The following LRRIQ1 variants were observed in gnomAD, a reference collection of about 807,000 sequenced individuals.
LRRIQ1 encodes leucine rich repeats and IQ motif containing 1, also known as leucine-rich repeat- and IQ domain-containing protein 1.
Under a neutral mutation model 211.9 loss-of-function variants are expected in LRRIQ1, and 210 were observed. That is an observed-to-expected ratio of 0.99 (90% CI 0.89 to 1.11). LRRIQ1 has a LOEUF of 1.11. Ranked by LOEUF, LRRIQ1 falls within the 50% of genes most tolerant of loss-of-function variation. LRRIQ1 has a pLI of 0.00. For synonymous variants in LRRIQ1, 699 were observed against 650.1 expected (o/e 1.08, Z -1.14); for missense variants, 2,136 against 1,939.5 (o/e 1.10, Z -1.90).
intron 5 of LRRIQ1, among the ~76,000 whole-genome samples, chr12:85,046,654 A>G (rs911684559): frequency 6.6e-6 from 1 of 152,196 alleles, no homozygotes; most frequent in Admixed American, 6.5e-5. Flanking sequence ...ATTACTGGGT[A>G]TATACCCAAA....
chr12:85,262,995 G>A, exon 2 of LRRIQ1: 1 of 987,796 alleles, frequency 1.0e-6, no homozygotes, highest in Non-Finnish European at 1.2e-6. Context: ...ATCATTCCGA[G>A]ACAATCCTGT....
chr12:85,098,584 G>T, intron 12 of LRRIQ1, 36 bp downstream of exon 12: 1 of 1,498,160 alleles, frequency 6.7e-7, no homozygotes, highest in Admixed American at 2.0e-5. Context: ...CTGTGATAAA[G>T]CAACACTTTT....
At chr12:85,257,050 A>ATAATTATATAAATATATATAATTATAT (rs1896118998) in intron 1 of LRRIQ1, among the ~76,000 whole-genome samples, 4 of 116,018 alleles carry the variant, frequency 3.4e-5, no homozygotes, top group Middle Eastern at 4.6e-3. Context: ...ATATAATTAT[A>ATAATTATATAAATATATATAATTATAT]TATATAATTA....
At chr12:85,169,013 G>C (rs1397413978) in intron 24 of LRRIQ1, among the ~76,000 whole-genome samples, 1 of 152,036 alleles carries the variant, frequency 6.6e-6, no homozygotes, top group Non-Finnish European at 1.5e-5. Context: ...AGTATCCTGA[G>C]GAAATTATTA....
intron 8 of LRRIQ1, among the ~76,000 whole-genome samples, chr12:85,058,876 G>C (rs1468775317): frequency 2.0e-5 from 3 of 151,936 alleles, no homozygotes; most frequent in South Asian, 4.2e-4. Flanking sequence ...TGTTCTAAAG[G>C]GCACCATAAT....
chr12:85,178,041 G>A (rs1375629583), intron 24 of LRRIQ1, among the ~76,000 whole-genome samples: 1 of 151,982 alleles, frequency 6.6e-6, no homozygotes, highest in South Asian at 2.1e-4. Flanking sequence ...CATAGTAAGC[G>A]GTGCTCAGTA....
At chr12:85,057,530 T>A (rs565188083) in intron 8 of LRRIQ1, among the ~76,000 whole-genome samples, 87 of 152,178 alleles carry the variant, frequency 5.7e-4, no homozygotes, top group Non-Finnish European at 1.0e-3. Flanking sequence ...AACAGAAGTT[T>A]GCTTTAGACT....
chr12:85,188,933 A>G (rs1892357062), intron 24 of LRRIQ1, among the ~76,000 whole-genome samples: 1 of 152,148 alleles, frequency 6.6e-6, no homozygotes, highest in South Asian at 2.1e-4. Flanking sequence ...TTTATAGATG[A>G]AGAAATCAGG....
chr12:85,114,106 T>C (rs1887392218), intron 15 of LRRIQ1, among the ~76,000 whole-genome samples: 1 of 152,120 alleles, frequency 6.6e-6, no homozygotes, highest in South Asian at 2.1e-4. Context: ...AATCTCCAAG[T>C]TTGGGATCCT....
At chr12:85,222,273 C>T (rs1293796456) in intron 24 of LRRIQ1, among the ~76,000 whole-genome samples, 3 of 151,934 alleles carry the variant, frequency 2.0e-5, no homozygotes, top group Non-Finnish European at 4.4e-5. Context: ...TATCATTATA[C>T]GGAGAGAGTA....
chr12:85,104,934 G>C (rs1455012577), intron 14 of LRRIQ1, among the ~76,000 whole-genome samples: 1 of 152,020 alleles, frequency 6.6e-6, no homozygotes, highest in African/African-American at 2.4e-5. Flanking sequence ...CCATTCTTGA[G>C]AGCTTTTAAT....
chr12:85,230,787 C>G (rs942470513), intron 25 of LRRIQ1, among the ~76,000 whole-genome samples: 2 of 152,160 alleles, frequency 1.3e-5, no homozygotes, highest in Non-Finnish European at 2.9e-5. Flanking sequence ...CGGTGGCTCA[C>G]GCCTGTAATC....
intron 26 of LRRIQ1, among the ~76,000 whole-genome samples, chr12:85,243,770 G>C (rs894222640): frequency 6.6e-6 from 1 of 151,500 alleles, no homozygotes; most frequent in African/African-American, 2.4e-5. Flanking sequence ...TTAAAAGTAG[G>C]AAGAAGGTGG....
intron 10 of LRRIQ1, among the ~76,000 whole-genome samples, chr12:85,071,225 CAT>C (rs1318004937): frequency 1.3e-5 from 2 of 151,782 alleles, no homozygotes; most frequent in Admixed American, 6.6e-5. Context: ...ATACGTAAAA[CAT>C]ATATATGTGT....
chr12:85,122,372 G>A (rs961512840), intron 16 of LRRIQ1, among the ~76,000 whole-genome samples: 7 of 152,084 alleles, frequency 4.6e-5, no homozygotes, highest in Non-Finnish European at 1.0e-4. Flanking sequence ...GTCAGCACTT[G>A]CACCCATTTA....
intron 2 of LRRIQ1, among the ~76,000 whole-genome samples, chr12:85,039,697 T>C (rs1450630930): frequency 5.3e-5 from 8 of 151,648 alleles, no homozygotes; most frequent in African/African-American, 1.9e-4. Flanking sequence ...TATTTGTTTT[T>C]AGTTAAATAA....
At chr12:85,154,227 G>A in intron 23 of LRRIQ1, 133 bp downstream of exon 23, 1 of 398,644 alleles carries the variant, frequency 2.5e-6, no homozygotes, top group Non-Finnish European at 4.3e-6. Flanking sequence ...AAGATACTCT[G>A]AAAAAAAATA....
At chr12:85,087,485 T>C (rs1382068371) in intron 11 of LRRIQ1, among the ~76,000 whole-genome samples, 3 of 152,310 alleles carry the variant, frequency 2.0e-5, no homozygotes, top group Admixed American at 1.3e-4. Context: ...GGTCAAATGG[T>C]ATTTCTAGTT....
chr12:85,261,733 G>A (rs1896293737), intron 1 of LRRIQ1, among the ~76,000 whole-genome samples: 1 of 151,124 alleles, frequency 6.6e-6, no homozygotes, highest in South Asian at 2.1e-4. Context: ...GGGATTTAAA[G>A]CAGAGGATCA....
Sources: allele counts gnomAD v4.1 joint callset (sites outside exome capture counted in the v4.1 genomes callset), GRCh38; gene constraint gnomAD v4.1.1; transcripts MANE v1.5; gene names NCBI Gene and HGNC (gene_info 2026-07-23, HGNC 2026-07-21).